Variants in ADAMTS2 observed in about 807,000 individuals in gnomAD.
ADAMTS2 encodes A disintegrin and metalloproteinase with thrombospondin motifs 2.
ADAMTS2 carries 50 observed loss-of-function variants against 123.0 expected under a neutral mutation model. The ratio of observed to expected loss-of-function variants is 0.41; its 90% CI spans 0.32 to 0.51. The LOEUF is 0.51. Ranked by LOEUF, ADAMTS2 falls within the 20% of genes least tolerant of loss-of-function variation. The pLI, the probability that ADAMTS2 is intolerant of heterozygous loss-of-function variation, is 0.35. For synonymous variants in ADAMTS2, 678 were observed against 695.4 expected (o/e 0.98, Z 0.39); for missense variants, 1,494 against 1,705.2 (o/e 0.88, Z 2.18).
chr5:179,224,045 G>T (rs930830391), intron 3 of ADAMTS2, among the ~76,000 whole-genome samples: 4 of 152,248 alleles, frequency 2.6e-5, no homozygotes, highest in African/African-American at 7.2e-5. Flanking sequence ...ACAGGACAGG[G>T]TAGGACGAGG....
At chr5:179,229,815 G>A (rs1264222975) in intron 3 of ADAMTS2, among the ~76,000 whole-genome samples, 1 of 152,178 alleles carries the variant, frequency 6.6e-6, no homozygotes, top group Non-Finnish European at 1.5e-5. Context: ...ATGGGAAATC[G>A]TAATTAGGCG....
chr5:179,264,726 G>A (rs1429243918), intron 3 of ADAMTS2, among the ~76,000 whole-genome samples: 1 of 152,216 alleles, frequency 6.6e-6, no homozygotes, highest in South Asian at 2.1e-4. Flanking sequence ...AGTGAGCACT[G>A]GGCAGGCGCC....
intron 3 of ADAMTS2, among the ~76,000 whole-genome samples, chr5:179,238,618 G>T (rs1765590240): frequency 1.3e-5 from 2 of 152,134 alleles, no homozygotes; most frequent in African/African-American, 2.4e-5. Flanking sequence ...GGGCATCCAG[G>T]CGGAAGGAGG....
rs984958890 is a variant in ADAMTS2, at chr5:179,224,140, G to A, written c.689-16425C>T. Among the ~76,000 whole-genome samples, 26 of 152,182 alleles carry A rather than the reference G, an allele frequency of 1.7e-4. 1 individual carries two copies. Among genetic ancestry groups the A allele is most frequent in the South Asian group, 2.1e-4 (1 of 4,822 alleles). On this transcript the variant is annotated intron_variant, in intron 3 of 21. Coordinates refer to ENST00000251582, the MANE Select transcript of ADAMTS2 (RefSeq NM_014244.5). ...GTCTACATCGGTTTCCTTCCTGGCC[G>A]TCATTTACAGGGAGAGCATGAGGGC...
chr5:179,301,907 G>A (rs563015260), intron 2 of ADAMTS2, among the ~76,000 whole-genome samples: 363 of 152,330 alleles, frequency 2.4e-3, no homozygotes, highest in Middle Eastern at 3.4e-3. Flanking sequence ...TGCTGTGCCC[G>A]GGAGAGGAGC....
In ADAMTS2 at chr5:179,188,926, C is replaced by T. The variant is rs188669525; in HGVS notation, c.892-7771G>A. 8.5e-5 allele frequency among the ~76,000 whole-genome samples: 13 copies of T among 152,244 alleles called. No homozygotes were observed. The highest frequency in any genetic ancestry group is 1.9e-4 in the East Asian group (1 of 5,156). On this transcript the variant is annotated intron_variant, in intron 4 of 21. Transcript: ENST00000251582. The surrounding 1 kb of genome is among the most constrained non-coding windows in gnomAD (Gnocchi z 5.1). ...AGACAGGTCGCATTACAAACCTTCC[C>T]GGGTTTGTACTAACGACGGCAAGAG...
In ADAMTS2 at chr5:179,238,261, C is replaced by A. The variant is rs757036876; in HGVS notation, c.689-30546G>T. On this transcript the variant is annotated intron_variant, in intron 3 of 21. Transcript: ENST00000251582. ...GACGTCTCTCCAGGGAGCTGAGTCC[C>A]GGTTTTCACCTGCTGGGTGTCCACG... is the stretch of plus-strand genomic sequence containing the variant. 3.3e-5 allele frequency among the ~76,000 whole-genome samples: 5 copies of A among 152,210 alleles called. No individual in the cohort carries two copies. In the South Asian group the frequency reaches 6.2e-4, roughly 19 times the overall value.
chr5:179,139,632 G>A (rs1763126003), intron 11 of ADAMTS2, among the ~76,000 whole-genome samples: 1 of 152,166 alleles, frequency 6.6e-6, no homozygotes, highest in African/African-American at 2.4e-5. Flanking sequence ...AGGAGAGACA[G>A]AGTAAATCTG....
At chr5:179,309,549 A>T (rs1756766756) in intron 2 of ADAMTS2, among the ~76,000 whole-genome samples, 1 of 152,132 alleles carries the variant, frequency 6.6e-6, no homozygotes. Flanking sequence ...CGAGGTCAGG[A>T]AATAGAGACC....
At chr5:179,321,071 T>G (rs1334494480) in intron 2 of ADAMTS2, among the ~76,000 whole-genome samples, 3 of 151,612 alleles carry the variant, frequency 2.0e-5, no homozygotes, top group Admixed American at 1.3e-4. Flanking sequence ...AACCAATAAG[T>G]TTTTTTTTCT....
intron 4 of ADAMTS2, among the ~76,000 whole-genome samples, chr5:179,195,286 G>A (rs1442051565): frequency 6.6e-6 from 1 of 152,116 alleles, no homozygotes; most frequent in African/African-American, 2.4e-5. Context: ...TGTTCAACTC[G>A]AGTGGTGCTC....
intron 2 of ADAMTS2, among the ~76,000 whole-genome samples, chr5:179,283,549 CAAAAA>C (rs3986816): frequency 1.7e-3 from 85 of 51,336 alleles, no homozygotes; most frequent in African/African-American, 7.4e-3. Flanking sequence ...AGAAAAACAG[CAAAAA>C]AAAAAAAAAA....
intron 3 of ADAMTS2, among the ~76,000 whole-genome samples, chr5:179,267,748 G>C (rs1766412593): frequency 6.6e-6 from 1 of 152,230 alleles, no homozygotes; most frequent in Non-Finnish European, 1.5e-5. Flanking sequence ...TGGGTGTGCA[G>C]GGCCCAGGGC....
At chr5:179,204,441 G>T (rs1158592388) in intron 4 of ADAMTS2, among the ~76,000 whole-genome samples, 1 of 152,234 alleles carries the variant, frequency 6.6e-6, no homozygotes, top group African/African-American at 2.4e-5. Flanking sequence ...AAGGACACCA[G>T]CCACACTTCA....
At chr5:179,136,641 C>T (rs1453666607) in intron 12 of ADAMTS2, among the ~76,000 whole-genome samples, 2 of 143,160 alleles carry the variant, frequency 1.4e-5, no homozygotes, top group Non-Finnish European at 3.0e-5. Flanking sequence ...CACTGCACTC[C>T]AGCCTGGGTG....
At chr5:179,333,677 G>A (rs1215066209) in intron 2 of ADAMTS2, among the ~76,000 whole-genome samples, 2 of 141,320 alleles carry the variant, frequency 1.4e-5, no homozygotes, top group Non-Finnish European at 3.0e-5. Flanking sequence ...TCAGCTCACT[G>A]CAAGCTCCGC....
chr5:179,191,518 T>G (rs1764306749), intron 4 of ADAMTS2, among the ~76,000 whole-genome samples: 1 of 152,072 alleles, frequency 6.6e-6, no homozygotes, highest in African/African-American at 2.4e-5. Context: ...ATTCTGCCGC[T>G]GCTCTGTCAC....
In ADAMTS2 at chr5:179,175,950, C is replaced by T. The variant is rs1238676623; in HGVS notation, c.975+5122G>A. On this transcript the variant is annotated intron_variant, in intron 5 of 21. Coordinates refer to ENST00000251582, the MANE Select transcript of ADAMTS2 (RefSeq NM_014244.5). This position sits in a 1 kb window ranked among gnomAD's most constrained non-coding sequence, Gnocchi z 4.1. ...GTTTTCAGAGACCACCTGTACTGCTCGGACTCTCGGAGGTACACCATGCAC... is the reference window on the plus strand; with the variant it reads ...GTTTTCAGAGACCACCTGTACTGCTTGGACTCTCGGAGGTACACCATGCAC... Among the ~76,000 whole-genome samples the T allele has an allele frequency of 1.3e-5, 2 of 151,964 alleles. No individual in the cohort carries two copies. Among genetic ancestry groups the T allele is most frequent in the African/African-American group, 2.4e-5 (1 of 41,380 alleles).
At position 179,332,755 on chromosome 5, in the gene ADAMTS2, G is replaced by A. The variant is rs1757515604; in HGVS notation, c.534+11012C>T. On this transcript the variant is annotated intron_variant, in intron 2 of 21. Transcript: ENST00000251582. This position sits in a 1 kb window ranked among gnomAD's most constrained non-coding sequence, Gnocchi z 4.2. ...AGGGAGGGAGGAGTGCAGAGAGGAA[G>A]GGAGGGGAAGGAAGGGAAGGAGAGG... Among the ~76,000 whole-genome samples, 1 of 152,020 alleles carries A rather than the reference G, an allele frequency of 6.6e-6. No individual in the cohort carries two copies. The highest frequency in any genetic ancestry group is 1.9e-4 in the East Asian group (1 of 5,150).
Sources: allele counts gnomAD v4.1 joint callset (sites outside exome capture counted in the v4.1 genomes callset), GRCh38; gene constraint gnomAD v4.1.1; non-coding constraint Gnocchi (gnomAD v3.1); transcripts MANE v1.5; gene names NCBI Gene and HGNC (gene_info 2026-07-23, HGNC 2026-07-21).